VSIG10L2: variants seen among roughly 807,000 people sequenced by gnomAD.
VSIG10L2 encodes the protein V-set and immunoglobulin domain-containing protein 10-like 2.
Under a neutral mutation model 67.1 loss-of-function variants are expected in VSIG10L2, and 56 were observed. The ratio of observed to expected loss-of-function variants is 0.83; its 90% CI spans 0.67 to 1.04. VSIG10L2 has a LOEUF of 1.04. Ranked by LOEUF, VSIG10L2 falls within the 50% of genes least tolerant of loss-of-function variation. The pLI is 0.00. For missense variants in VSIG10L2, 843 were observed against 932.8 expected, an observed-to-expected ratio of 0.90 and a Z score of 1.25; for synonymous variants, 360 against 396.6, an observed-to-expected ratio of 0.91 and a Z score of 1.10.
At chr11:125,955,531 T>TGGG (rs1945452151) in intron 10 of VSIG10L2, 25 bp downstream of exon 10, 3 of 1,245,572 alleles carry the variant, frequency 2.4e-6, no homozygotes, top group Non-Finnish European at 3.4e-6. Flanking sequence ...CCAGTCATCC[T>TGGG]GGGGGCCAGG....
rs1362403361 is a variant in VSIG10L2, at chr11:125,951,871, C to T, written c.1293C>T (p.Ile431=). 2 of 1,532,728 alleles carry T rather than the reference C, an allele frequency of 1.3e-6. No homozygotes were observed. The highest frequency in any genetic ancestry group is 2.7e-5 in the African/African-American group (2 of 73,008). The allele number at this position is 1,532,728 out of a possible 1,614,324, so 94.9% of individuals were successfully genotyped here. Residue 431 remains isoleucine (I), a synonymous_variant, in exon 6 of 12, where the codon ATC becomes ATT. Coordinates refer to ENST00000686984, the MANE Select transcript of VSIG10L2 (RefSeq NM_001365077.2). ...CAGCCACAATGGGGGACCAGTTCATCATGCTGAGCTGCGAGTGGCCTGGCG... is the reference window on the plus strand; with the variant it reads ...CAGCCACAATGGGGGACCAGTTCATTATGCTGAGCTGCGAGTGGCCTGGCG... ...WSTATMGDQF[I]MLSCEWPGGE...
Position 125,955,535 on chromosome 11 carries a change from G to C in VSIG10L2, c.2231+29G>C, listed in dbSNP as rs1346190108. 3.2e-6 allele frequency: 4 copies of C among 1,266,006 alleles called. No individual in the cohort carries two copies. In the African/African-American group the frequency reaches 5.9e-5, roughly 19 times the overall value. The allele number at this position is 1,266,006 out of a possible 1,614,324, so 78.4% of individuals were successfully genotyped here. A position where few individuals can be genotyped will look rare whatever the true frequency, so the allele number is the denominator to read the frequency against. On this transcript the variant is annotated intron_variant, in intron 10 of 11. Coordinates refer to ENST00000686984, the MANE Select transcript of VSIG10L2 (RefSeq NM_001365077.2). ...AGTGTGGAACCCCAGTCATCCTGGG[G>C]GCCAGGGCTTTCCTCCAGTTGGAAA...
rs1945302841 is a variant in VSIG10L2, at chr11:125,946,301, C to T, written c.82+164C>T. ...CGTTCACTGAGCGACTACTATGTGC[C>T]ACGTAGGTGAGAGCACTCTGCTTAA... is the stretch of plus-strand genomic sequence containing the variant. On this transcript the variant is annotated intron_variant, in intron 1 of 11. Transcript: ENST00000686984. The surrounding 1 kb of genome is among the most constrained non-coding windows in gnomAD (Gnocchi z 4.4). 6.6e-6 allele frequency among the ~76,000 whole-genome samples: 1 copy of T among 152,202 alleles called. No homozygotes were observed. The highest frequency in any genetic ancestry group is 2.4e-5 in the African/African-American group (1 of 41,450).
chr11:125,951,672 A>G, intron 5 of VSIG10L2, 141 bp from the exon 6 acceptor site: 1 of 820,624 alleles, frequency 1.2e-6, no homozygotes, highest in Non-Finnish European at 1.8e-6. Flanking sequence ...TGATCAATAA[A>G]TGATGAGTGT....
In VSIG10L2 at chr11:125,946,775, T is replaced by G. The variant is rs1408738510; in HGVS notation, c.82+638T>G. Among the ~76,000 whole-genome samples, 2 of 152,142 alleles carry G rather than the reference T, an allele frequency of 1.3e-5. No homozygotes were observed. Among genetic ancestry groups the G allele is most frequent in the African/African-American group, 4.8e-5 (2 of 41,440 alleles). On this transcript the variant is annotated intron_variant, in intron 1 of 11. Transcript: ENST00000686984. The surrounding 1 kb of genome is among the most constrained non-coding windows in gnomAD (Gnocchi z 4.4). ...CTGGTCTCAAACTCCTGACCTCAGG[T>G]GATCTGCCCGCCTCAGCCTCCCAGA... is the stretch of plus-strand genomic sequence containing the variant.
chr11:125,950,399 G>A, intron 4 of VSIG10L2, 110 bp downstream of exon 4: 1 of 1,118,124 alleles, frequency 8.9e-7, no homozygotes. Flanking sequence ...AGAGGCGTGT[G>A]CCAAAGCTGC....
intron 9 of VSIG10L2, among the ~76,000 whole-genome samples, 66 bp from the exon 10 acceptor site, chr11:125,955,416 C>T (rs980371643): frequency 2.9e-4 from 44 of 152,316 alleles, no homozygotes; most frequent in African/African-American, 9.6e-4. Flanking sequence ...GGGAAAGAGA[C>T]GGCCATTCTC....
chr11:125,948,600 G>C lies in VSIG10L2; in HGVS notation c.709+20G>C. ...TCATTTGTGAGTCAGACTGTGGTGG[G>C]GGGGCTGTCAGGGCTGACACCCATC... On this transcript the variant is annotated intron_variant, in intron 3 of 11. Coordinates refer to ENST00000686984, the MANE Select transcript of VSIG10L2 (RefSeq NM_001365077.2). The C allele has an allele frequency of 8.1e-7, 1 of 1,232,062 alleles. No homozygotes were observed. 76.3% of individuals were successfully genotyped at this position (1,232,062 alleles called of 1,614,324 possible).
intron 4 of VSIG10L2, 137 bp from the exon 5 acceptor site, chr11:125,950,773 A>C (rs1945357089): frequency 1.2e-6 from 1 of 814,860 alleles, no homozygotes; most frequent in Non-Finnish European, 1.6e-6. Context: ...AGAGAGACTC[A>C]ATCTTTCCCC....
chr11:125,948,038 T>C lies in VSIG10L2; in HGVS notation c.433+2T>C, dbSNP rs1318123555. ...CCCACCTCACGCTGGCTGTGCTGGGTGAGGGCCTGGCCCCAGCTGCAGCTG... is the reference window on the plus strand; with the variant it reads ...CCCACCTCACGCTGGCTGTGCTGGGCGAGGGCCTGGCCCCAGCTGCAGCTG... On this transcript the variant is annotated splice_donor_variant, in intron 2 of 11. Transcript: ENST00000686984. LOFTEE classifies it high-confidence loss of function. The C allele has an allele frequency of 8.1e-7, 1 of 1,232,534 alleles. No individual in the cohort carries two copies. Among genetic ancestry groups the C allele is most frequent in the Non-Finnish European group, 1.0e-6 (1 of 988,330 alleles). The allele number at this position is 1,232,534 out of a possible 1,614,324, so 76.3% of individuals were successfully genotyped here.
Position 125,950,231 on chromosome 11 carries a change from G to C in VSIG10L2, c.927G>C (p.Leu309=). Residue 309 remains leucine, a synonymous_variant, in exon 4 of 12, where the codon CTG becomes CTC. Coordinates refer to ENST00000686984, the MANE Select transcript of VSIG10L2 (RefSeq NM_001365077.2). ...GRVHTGLYTC[L]ARNSYLDTRT... is the part of the protein sequence containing the mutation. ...TCCACACAGGCCTGTACACCTGCCT[G>C]GCCCGCAACAGCTACCTGGACACCC... The C allele has an allele frequency of 8.1e-7, 1 of 1,232,512 alleles. No individual in the cohort carries two copies. Among genetic ancestry groups the C allele is most frequent in the Non-Finnish European group, 1.0e-6 (1 of 988,250 alleles). The allele number at this position is 1,232,512 out of a possible 1,614,324, so 76.3% of individuals were successfully genotyped here.
rs1945439660 is a variant in VSIG10L2, at chr11:125,955,063, C to A, written c.2090C>A (p.Pro697His). The stretch of plus-strand genomic sequence containing the variant: ...CTGTGCTCTCCCCTCCTAGCGGACC[C>A]CCCCTTCAGCGCCTACCCAGCGGTG... Reference protein sequence around the residue: ...HPSEVKIPADPPFSAYPAVLG... With the variant: ...HPSEVKIPADHPFSAYPAVLG... The change falls in exon 9 of 12, where the codon CCC (proline) becomes CAC (histidine). Residue 697 changes from proline (P) to histidine (H), a missense_variant. Pro to His is a moderately conservative substitution (Grantham distance 77). Around this residue, in one of 2 missense-constraint regions of VSIG10L2, gnomAD observed 397 missense variants for 384.4 expected, o/e 1.03. Transcript: ENST00000686984. 1.6e-6 allele frequency: 2 copies of A among 1,235,038 alleles called. No individual in the cohort carries two copies. The highest frequency in any genetic ancestry group is 1.5e-5 in the African/African-American group (1 of 64,570). The allele number at this position is 1,235,038 out of a possible 1,614,324, so 76.5% of individuals were successfully genotyped here. A position where few individuals can be genotyped will look rare whatever the true frequency, so the allele number is the denominator to read the frequency against.
Position 125,952,059 on chromosome 11 carries a change from G to T in VSIG10L2, c.1481G>T (p.Cys494Phe), listed in dbSNP as rs574399345. ...CTGCTCAGGACCCCTGACCCCCACT[G>T]CCACCTCCAGCTGGGTGAGTAGGGG... ...THLLRTPDPHCHLQLEAPQLD... is the reference protein window; with the variant it reads ...THLLRTPDPHFHLQLEAPQLD... The change falls in exon 6 of 12, where the codon TGC (cysteine) becomes TTC (phenylalanine). Residue 494 changes from cysteine (C) to phenylalanine (F), a missense_variant. Cys to Phe is a radical substitution (Grantham distance 205). Around this residue, in one of 2 missense-constraint regions of VSIG10L2, gnomAD observed 397 missense variants for 384.4 expected, o/e 1.03. Transcript: ENST00000686984. The T allele has an allele frequency of 1.1e-3, 1,696 of 1,534,250 alleles. 36 individuals are homozygous for T. The South Asian group carries it at 0.017, about 16-fold the overall frequency.
At chr11:125,952,930 C>T (rs571031536) in intron 6 of VSIG10L2, among the ~76,000 whole-genome samples, 1 of 152,296 alleles carries the variant, frequency 6.6e-6, no homozygotes, top group South Asian at 2.1e-4. Flanking sequence ...TACTTGGTCT[C>T]AGGACCGGAA....
intron 5 of VSIG10L2, 43 bp from the exon 6 acceptor site, chr11:125,951,770 T>TA: frequency 6.9e-7 from 1 of 1,442,074 alleles, no homozygotes; most frequent in South Asian, 1.4e-5. Context: ...TGCCAAGCCC[T>TA]TCCTCCTTCC....
In VSIG10L2 at chr11:125,953,666, CAG is replaced by C. The variant is rs1945409705; in HGVS notation, c.1765_1766del (p.Ser589CysfsTer64). ...VARNAVGNSS[Q>X]SVLLEVLRYP... ...CCGCAACGCCGTGGGCAATAGCAGT[CAG>C]AGTGTGCTGCTGGAGGTCCTGAGTG... On this transcript the variant is annotated frameshift_variant, in exon 7 of 12. Coordinates refer to ENST00000686984, the MANE Select transcript of VSIG10L2 (RefSeq NM_001365077.2). LOFTEE classifies it high-confidence loss of function. 4.1e-6 allele frequency: 5 copies of C among 1,232,150 alleles called. No homozygotes were observed. The highest frequency in any genetic ancestry group is 1.6e-5 in the African/African-American group (1 of 64,432). The allele number at this position is 1,232,150 out of a possible 1,614,324, so 76.3% of individuals were successfully genotyped here.
chr11:125,948,561 G>A lies in VSIG10L2; in HGVS notation c.690G>A (p.Gly230=). ...SNSVNRLSSD[G]AFLDVIYGPD... ...CCGTGAACAGGCTGAGCAGTGACGG[G>A]GCCTTCCTGGACGTCATTTGTGAGT... is the stretch of plus-strand genomic sequence containing the variant. Residue 230 remains glycine, a synonymous_variant, in exon 3 of 12, where the codon GGG becomes GGA. Coordinates refer to ENST00000686984, the MANE Select transcript of VSIG10L2 (RefSeq NM_001365077.2). 8.1e-7 allele frequency: 1 copy of A among 1,232,290 alleles called. No individual in the cohort carries two copies. Among genetic ancestry groups the A allele is most frequent in the Non-Finnish European group, 1.0e-6 (1 of 988,106 alleles). 76.3% of individuals were successfully genotyped at this position (1,232,290 alleles called of 1,614,324 possible). A position where few individuals can be genotyped will look rare whatever the true frequency, so the allele number is the denominator to read the frequency against.
At chr11:125,955,427 C>T (rs1945449065) in intron 9 of VSIG10L2, among the ~76,000 whole-genome samples, 55 bp from the exon 10 acceptor site, 1 of 152,212 alleles carries the variant, frequency 6.6e-6, no homozygotes, top group Non-Finnish European at 1.5e-5. Context: ...GGCCATTCTC[C>T]TGGGATCTCT....
In VSIG10L2 at chr11:125,953,662, C is replaced by A; in HGVS notation, c.1758C>A (p.Ser586Arg). The change falls in exon 7 of 12, where the codon AGC becomes AGA. Residue 586 changes from serine to arginine, a missense_variant. Physicochemically the swap from Ser to Arg is moderately radical, Grantham distance 110 (BLOSUM62 -1). Around this residue, in one of 2 missense-constraint regions of VSIG10L2, gnomAD observed 397 missense variants for 384.4 expected, o/e 1.03. Coordinates refer to ENST00000686984, the MANE Select transcript of VSIG10L2 (RefSeq NM_001365077.2). ...TGGCCCGCAACGCCGTGGGCAATAGCAGTCAGAGTGTGCTGCTGGAGGTCC... is the reference window on the plus strand; with the variant it reads ...TGGCCCGCAACGCCGTGGGCAATAGAAGTCAGAGTGTGCTGCTGGAGGTCC... ...QCVARNAVGN[S>R]SQSVLLEVLR... is the part of the protein sequence containing the mutation. 1 of 1,232,296 alleles carries A rather than the reference C, an allele frequency of 8.1e-7. No individual in the cohort carries two copies. The highest frequency in any genetic ancestry group is 1.0e-6 in the Non-Finnish European group (1 of 988,030). The allele number at this position is 1,232,296 out of a possible 1,614,324, so 76.3% of individuals were successfully genotyped here.
Sources: gnomAD v4.1 joint callset for allele counts (sites outside exome capture counted in the v4.1 genomes callset) on GRCh38, gnomAD v4.1.1 for gene constraint, gnomAD v4.1.1 regional missense constraint, Gnocchi (gnomAD v3.1) non-coding constraint, MANE v1.5 for transcripts, NCBI Gene and HGNC (gene_info 2026-07-23, HGNC 2026-07-21) for gene names.